CTNNA2: variants seen among roughly 807,000 people sequenced by gnomAD.
The protein encoded by CTNNA2 is catenin alpha-2.
Under a neutral mutation model 101.0 loss-of-function variants are expected in CTNNA2, and 42 were observed. That is an observed-to-expected ratio of 0.42 (90% CI 0.32 to 0.54). The LOEUF is 0.54. CTNNA2 is among the 20% of genes least tolerant of loss of function. The pLI is 0.14. For synonymous variants in CTNNA2, 450 were observed against 456.4 expected (o/e 0.99, Z 0.18); for missense variants, 871 against 1,223.1 (o/e 0.71, Z 4.29).
At chr2:80,243,186 A>G (rs1334169526) in intron 7 of CTNNA2, among the ~76,000 whole-genome samples, 1 of 152,204 alleles carries the variant, frequency 6.6e-6, no homozygotes, top group Non-Finnish European at 1.5e-5. Context: ...TATGGGGGTC[A>G]TCCCACAGAC....
chr2:79,645,167 G>A (rs1680726734), intron 1 of CTNNA2, among the ~76,000 whole-genome samples: 2 of 151,808 alleles, frequency 1.3e-5, no homozygotes, highest in South Asian at 4.2e-4. Context: ...ATTTTTTGTT[G>A]TAGAGATGGG....
intron 4 of CTNNA2, among the ~76,000 whole-genome samples, chr2:79,402,743 C>T (rs1678303579): frequency 6.6e-6 from 1 of 151,754 alleles, no homozygotes; most frequent in Non-Finnish European, 1.5e-5. Context: ...GGCCATAGAA[C>T]AGGCCTCAAT....
intron 3 of CTNNA2, among the ~76,000 whole-genome samples, chr2:79,334,530 A>G (rs1676950068): frequency 6.6e-6 from 1 of 152,156 alleles, no homozygotes; most frequent in African/African-American, 2.4e-5. Flanking sequence ...AGGCTATACA[A>G]AAATTACAGA....
At position 79,638,426 on chromosome 2, in the gene CTNNA2, A is replaced by G. The variant is rs1316491878; in HGVS notation, c.-5-13126A>G. On this transcript the variant is annotated intron_variant, in intron 1 of 18. Coordinates refer to ENST00000402739, the MANE Select transcript of CTNNA2 (RefSeq NM_001282597.3). ...TTAATAAGATGATTTACTAAGGAGTATATATGCTGAACACAACTCGTGCTG... is the reference window on the plus strand; with the variant it reads ...TTAATAAGATGATTTACTAAGGAGTGTATATGCTGAACACAACTCGTGCTG... Among the ~76,000 whole-genome samples the G allele has an allele frequency of 2.0e-5, 3 of 152,216 alleles. No homozygotes were observed. In the East Asian group the frequency reaches 5.8e-4, roughly 29 times the overall value.
intron 7 of CTNNA2, among the ~76,000 whole-genome samples, chr2:80,338,304 T>TC (rs1671933718): frequency 6.8e-6 from 1 of 147,550 alleles, no homozygotes. Flanking sequence ...TTCTTTTTCT[T>TC]TTTTTTTTTT....
At chr2:80,405,362 G>A (rs756353950) in intron 8 of CTNNA2, among the ~76,000 whole-genome samples, 33 of 152,236 alleles carry the variant, frequency 2.2e-4, no homozygotes, top group Non-Finnish European at 3.4e-4. Flanking sequence ...AACCCTAGTG[G>A]GTTGACTCTG....
intron 8 of CTNNA2, among the ~76,000 whole-genome samples, chr2:80,400,525 C>G (rs1678459727): frequency 6.6e-6 from 1 of 152,102 alleles, no homozygotes; most frequent in Non-Finnish European, 1.5e-5. Flanking sequence ...TTTAACAACC[C>G]TCTATTTACA....
At chr2:79,635,910 C>G (rs967956946) in intron 1 of CTNNA2, among the ~76,000 whole-genome samples, 1 of 151,742 alleles carries the variant, frequency 6.6e-6, no homozygotes, top group African/African-American at 2.4e-5. Context: ...GCTTGGAAAC[C>G]TAGTAACTCG....
Position 80,039,506 on chromosome 2 carries a change from C to A in CTNNA2, c.1056+129709C>A, listed in dbSNP as rs563559204. 3.9e-3 allele frequency among the ~76,000 whole-genome samples: 596 copies of A among 152,322 alleles called. 1 individual carries two copies. Among genetic ancestry groups the A allele is most frequent in the Non-Finnish European group, 6.3e-3 (429 of 68,038 alleles). The stretch of plus-strand genomic sequence containing the variant: ...GTAATGCCCTCTCCTGACTTCTACA[C>A]TGAGCAAGACATGGGGGTAAAGGCT... On this transcript the variant is annotated intron_variant, in intron 7 of 18. Transcript: ENST00000402739.
intron 7 of CTNNA2, among the ~76,000 whole-genome samples, chr2:79,982,368 T>TATATAACAC (rs1553421149): frequency 8.8e-6 from 1 of 113,576 alleles, no homozygotes. Flanking sequence ...CTATATAACA[T>TATATAACAC]ATATATAACA....
At chr2:80,383,681 C>T (rs771451872) in intron 7 of CTNNA2, among the ~76,000 whole-genome samples, 7 of 151,730 alleles carry the variant, frequency 4.6e-5, no homozygotes, top group African/African-American at 1.5e-4. Flanking sequence ...AGAAGGAGGA[C>T]GTTTGTGAGT....
intron 3 of CTNNA2, chr2:79,340,179 T>G (rs1322258587): frequency 1.3e-5 from 2 of 152,194 alleles, no homozygotes; most frequent in Non-Finnish European, 2.9e-5. Context: ...CTGTTTATCA[T>G]GAGTAGATGC....
At chr2:80,273,900 T>G (rs1673696156) in intron 7 of CTNNA2, among the ~76,000 whole-genome samples, 1 of 152,094 alleles carries the variant, frequency 6.6e-6, no homozygotes, top group South Asian at 2.1e-4. Flanking sequence ...TTATTGCATT[T>G]CTCTCCCACT....
chr2:79,442,714 T>C (rs1382071088), intron 4 of CTNNA2, among the ~76,000 whole-genome samples: 1 of 152,192 alleles, frequency 6.6e-6, no homozygotes, highest in East Asian at 1.9e-4. Flanking sequence ...AAATGAACAT[T>C]ATCCTCAGGT....
Position 80,528,764 on chromosome 2 carries a change from G to A in CTNNA2, c.1291-16218G>A, listed in dbSNP as rs1046460024. ...TTTCTTCAAAGTAGACCCTTTGGGA[G>A]TTTTTGCCCAGATTGGAGGGCTGCT... On this transcript the variant is annotated intron_variant, in intron 9 of 18. Coordinates refer to ENST00000402739, the MANE Select transcript of CTNNA2 (RefSeq NM_001282597.3). 2.6e-5 allele frequency among the ~76,000 whole-genome samples: 4 copies of A among 152,144 alleles called. No homozygotes were observed. In the East Asian group the frequency reaches 7.7e-4, roughly 29 times the overall value.
chr2:79,765,230 A>T (rs960777960), intron 3 of CTNNA2, among the ~76,000 whole-genome samples: 6 of 152,230 alleles, frequency 3.9e-5, no homozygotes, highest in African/African-American at 1.4e-4. Context: ...ACATTTGTTG[A>T]CCGTGGTTGA....
rs386390578 is a variant in CTNNA2, at chr2:80,043,206, C to CTTT, written c.1056+133420_1056+133422dup. Among the ~76,000 whole-genome samples, 21 of 91,804 alleles carry CTTT rather than the reference C, an allele frequency of 2.3e-4. 1 individual carries two copies. Among genetic ancestry groups the CTTT allele is most frequent in the Admixed American group, 6.6e-4 (5 of 7,522 alleles). The allele number at this position is 91,804 out of a possible 152,430, so 60.2% of individuals were successfully genotyped here. A position where few individuals can be genotyped will look rare whatever the true frequency, so the allele number is the denominator to read the frequency against. ...CCTTTCTTTCTTTCTTTCTCTCTCT[C>CTTT]TTTTTTTTTTTTTCAGAGTCTTGCT... On this transcript the variant is annotated intron_variant, in intron 7 of 18. Coordinates refer to ENST00000402739, the MANE Select transcript of CTNNA2 (RefSeq NM_001282597.3).
At chr2:80,079,874 A>AAATAAAATAAAATAAAAT (rs1558788134) in intron 7 of CTNNA2, among the ~76,000 whole-genome samples, 1 of 146,014 alleles carries the variant, frequency 6.8e-6, no homozygotes, top group Non-Finnish European at 1.5e-5. Context: ...AAATAAAATA[A>AAATAAAATAAAATAAAAT]AATAAAATAA....
intron 2 of CTNNA2, among the ~76,000 whole-genome samples, chr2:79,732,309 T>C (rs1687250867): frequency 6.6e-6 from 1 of 152,066 alleles, no homozygotes; most frequent in South Asian, 2.1e-4. Flanking sequence ...TTTCTAGAAC[T>C]GTATAAGAAC....
Sources: allele counts gnomAD v4.1 joint callset (sites outside exome capture counted in the v4.1 genomes callset), GRCh38; gene constraint gnomAD v4.1.1; transcripts MANE v1.5; gene names NCBI Gene and HGNC (gene_info 2026-07-23, HGNC 2026-07-21).